GUCY1A2: variants seen among roughly 807,000 people sequenced by gnomAD.
GUCY1A2 encodes the protein guanylate cyclase soluble subunit alpha-2.
GUCY1A2 carries 27 observed loss-of-function variants against 63.5 expected under a neutral mutation model. The observed-to-expected ratio is 0.43, with a 90% CI of 0.31 to 0.59. GUCY1A2 has a LOEUF of 0.59. GUCY1A2 is among the 20% of genes least tolerant of loss of function. The pLI is 0.11. For synonymous variants in GUCY1A2, 364 were observed against 343.5 expected (o/e 1.06, Z -0.66); for missense variants, 768 against 913.3 (o/e 0.84, Z 2.05).
intron 6 of GUCY1A2, among the ~76,000 whole-genome samples, chr11:106,740,242 C>G (rs887235093): frequency 7.9e-5 from 12 of 151,880 alleles, no homozygotes; most frequent in African/African-American, 2.2e-4. Flanking sequence ...TCAGGTGACC[C>G]ACGTGCCTTG....
At chr11:106,693,411 C>T (rs965470300) in intron 7 of GUCY1A2, among the ~76,000 whole-genome samples, 1 of 151,986 alleles carries the variant, frequency 6.6e-6, no homozygotes, top group South Asian at 2.1e-4. Flanking sequence ...TCATCATCGT[C>T]GTCTTTCTAT....
intron 6 of GUCY1A2, among the ~76,000 whole-genome samples, chr11:106,743,151 A>C (rs1863726573): frequency 6.6e-6 from 1 of 152,034 alleles, no homozygotes; most frequent in Non-Finnish European, 1.5e-5. Flanking sequence ...TATCTGTAAC[A>C]CTACTGCCTG....
intron 3 of GUCY1A2, among the ~76,000 whole-genome samples, chr11:106,942,617 T>C (rs1187453331): frequency 6.6e-6 from 1 of 152,226 alleles, no homozygotes; most frequent in Non-Finnish European, 1.5e-5. Context: ...TTCAGGTCCA[T>C]GTGCATTGAA....
At chr11:106,815,902 G>C (rs1214662655) in intron 4 of GUCY1A2, among the ~76,000 whole-genome samples, 1 of 151,862 alleles carries the variant, frequency 6.6e-6, no homozygotes, top group African/African-American at 2.4e-5. Context: ...GCCACAAAAA[G>C]CTAGAAGAAG....
rs554383569 is a variant in GUCY1A2 at position 106,682,524 on chromosome 11, T to C, written c.*5025A>G. ...CTTCCAAGCAGATCAGCTGAACCAC[T>C]GAACTAGGTCATTTCTTAAGGATGG... On this transcript the variant is annotated 3_prime_UTR_variant, in exon 8 of 8. Transcript: ENST00000526355. 3.8e-5 allele frequency: 8 copies of C among 210,918 alleles called. No homozygotes were observed. The highest frequency in any genetic ancestry group is 1.2e-4 in the Admixed American group (2 of 17,002). 13.1% of individuals were successfully genotyped at this position (210,918 alleles called of 1,614,324 possible).
intron 1 of GUCY1A2, among the ~76,000 whole-genome samples, chr11:106,990,871 C>G (rs1475960618): frequency 6.6e-6 from 1 of 152,144 alleles, no homozygotes; most frequent in African/African-American, 2.4e-5. Flanking sequence ...CCAAAAAAAG[C>G]CACACACATA....
intron 1 of GUCY1A2, among the ~76,000 whole-genome samples, chr11:106,993,464 T>A (rs1191586836): frequency 6.6e-6 from 1 of 152,170 alleles, no homozygotes; most frequent in East Asian, 1.9e-4. Flanking sequence ...TCAATCTTGC[T>A]AGATATCCAG....
intron 3 of GUCY1A2, among the ~76,000 whole-genome samples, chr11:106,977,028 T>C (rs1861272112): frequency 6.6e-6 from 1 of 152,138 alleles, no homozygotes; most frequent in Non-Finnish European, 1.5e-5. Context: ...AATATAATCA[T>C]TATCTTTGAA....
At chr11:106,707,066 G>C (rs1223303724) in intron 7 of GUCY1A2, among the ~76,000 whole-genome samples, 1 of 152,052 alleles carries the variant, frequency 6.6e-6, no homozygotes, top group Non-Finnish European at 1.5e-5. Flanking sequence ...AAAATCTCTT[G>C]GGTTCCTTAA....
At chr11:106,870,107 A>G (rs909311871) in intron 4 of GUCY1A2, among the ~76,000 whole-genome samples, 165 of 43,976 alleles carry the variant, frequency 3.8e-3, no homozygotes, top group Middle Eastern at 0.01. Flanking sequence ...GCCTCTTGTG[A>G]GGGGGGGGGA....
chr11:106,677,006 T>A lies in GUCY1A2; in HGVS notation c.*10543A>T, dbSNP rs1862357413. 1 of 213,462 alleles carries A rather than the reference T, an allele frequency of 4.7e-6. No individual in the cohort carries two copies. Among genetic ancestry groups the A allele is most frequent in the African/African-American group, 2.3e-5 (1 of 44,230 alleles). The allele number at this position is 213,462 out of a possible 1,614,324, so 13.2% of individuals were successfully genotyped here. The stretch of plus-strand genomic sequence containing the variant: ...TCAAGGTCCCAATTCTCTCAGTCAC[T>A]TCTATCCTCAACTGATCTGCATCTA... On this transcript the variant is annotated 3_prime_UTR_variant, in exon 8 of 8. Transcript: ENST00000526355.
At chr11:106,943,586 C>A (rs532472051) in intron 3 of GUCY1A2, among the ~76,000 whole-genome samples, 29 of 152,328 alleles carry the variant, frequency 1.9e-4, no homozygotes, top group African/African-American at 6.5e-4. Flanking sequence ...TTCTTGAGGA[C>A]AAGGACCTTG....
intron 4 of GUCY1A2, chr11:106,827,609 T>C: frequency 6.6e-7 from 1 of 1,505,340 alleles, no homozygotes. Context: ...CAATGCAGTG[T>C]TCTTCACTCT....
intron 6 of GUCY1A2, among the ~76,000 whole-genome samples, chr11:106,774,364 C>CTTGT (rs1448243705): frequency 6.6e-6 from 1 of 152,100 alleles, no homozygotes; most frequent in Non-Finnish European, 1.5e-5. Flanking sequence ...AACTCCTGAC[C>CTTGT]TTGTGATCCA....
intron 3 of GUCY1A2, among the ~76,000 whole-genome samples, chr11:106,959,579 G>T (rs1310261935): frequency 6.6e-6 from 1 of 152,208 alleles, no homozygotes. Flanking sequence ...CAGCTGAAGA[G>T]AGCTGCCGGC....
At chr11:106,907,646 A>G (rs1227043717) in intron 4 of GUCY1A2, among the ~76,000 whole-genome samples, 2 of 152,004 alleles carry the variant, frequency 1.3e-5, no homozygotes. Flanking sequence ...ATGAGTGAGA[A>G]CATGCGGTGT....
intron 6 of GUCY1A2, chr11:106,746,696 T>TGTCA: frequency 3.0e-6 from 3 of 1,016,500 alleles, no homozygotes; most frequent in Non-Finnish European, 4.5e-6. Flanking sequence ...AAATAAAAAA[T>TGTCA]CAGTACTGTG....
chr11:106,858,580 T>TA (rs1221411954), intron 4 of GUCY1A2, among the ~76,000 whole-genome samples: 1 of 152,122 alleles, frequency 6.6e-6, no homozygotes, highest in Non-Finnish European at 1.5e-5. Flanking sequence ...CAGGTCCATC[T>TA]AAACTCAGAA....
chr11:106,689,336 C>G (rs1318706550), intron 7 of GUCY1A2, among the ~76,000 whole-genome samples: 1 of 151,566 alleles, frequency 6.6e-6, no homozygotes, highest in Non-Finnish European at 1.5e-5. Flanking sequence ...TAAAAAAAAC[C>G]ACAAAATGAT....
Sources: allele counts gnomAD v4.1 joint callset (sites outside exome capture counted in the v4.1 genomes callset), GRCh38; gene constraint gnomAD v4.1.1; transcripts MANE v1.5; gene names NCBI Gene and HGNC (gene_info 2026-07-23, HGNC 2026-07-21).